Variants in CD84 observed in about 807,000 individuals in gnomAD.
CD84 encodes SLAM family member 5.
CD84 carries 22 observed loss-of-function variants against 33.8 expected under a neutral mutation model. The ratio of observed to expected loss-of-function variants is 0.65; its 90% CI spans 0.46 to 0.93. CD84 has a LOEUF of 0.93. Among genes scored for constraint, CD84 ranks in the 40% least tolerant of loss-of-function variants. The pLI, the probability that CD84 is intolerant of heterozygous loss-of-function variation, is 0.00. For synonymous variants in CD84, 154 were observed against 145.2 expected (o/e 1.06, Z -0.44); for missense variants, 400 against 397.6 (o/e 1.01, Z -0.05).
At position 160,579,411 on chromosome 1, in the gene CD84, C is replaced by A; in HGVS notation, c.27G>T (p.Leu9Phe). Reference sequence around the variant, plus strand: ...ACTCACAGGTTTGCAGGCAAAGGAGCAAGATCCATAGGTGGTGCTGAGCCA... The same window carrying A: ...ACTCACAGGTTTGCAGGCAAAGGAGAAAGATCCATAGGTGGTGCTGAGCCA... MAQHHLWI[L>F]LLCLQTWPEA... Residue 9 changes from leucine (L) to phenylalanine (F), a missense_variant, in exon 1 of 7, where the codon TTG becomes TTT. Coordinates refer to ENST00000368054, the MANE Select transcript of CD84 (RefSeq NM_003874.4). 1 of 1,613,208 alleles carries A rather than the reference C, an allele frequency of 6.2e-7. No individual in the cohort carries two copies. Among genetic ancestry groups the A allele is most frequent in the South Asian group, 1.1e-5 (1 of 91,050 alleles).
At chr1:160,561,215 A>C (rs1257120950) in intron 2 of CD84, among the ~76,000 whole-genome samples, 3 of 152,160 alleles carry the variant, frequency 2.0e-5, no homozygotes, top group African/African-American at 7.2e-5. Flanking sequence ...AAAACCAAAA[A>C]AGGAAACTTC....
chr1:160,563,947 T>C (rs1488152818), intron 2 of CD84, among the ~76,000 whole-genome samples: 2 of 152,062 alleles, frequency 1.3e-5, no homozygotes, highest in African/African-American at 2.4e-5. Flanking sequence ...TCTCAAACTT[T>C]GGCACAGGTG....
At chr1:160,553,745 C>T (rs1212009534) in intron 3 of CD84, 150 bp downstream of exon 3, 3 of 1,289,110 alleles carry the variant, frequency 2.3e-6, no homozygotes, top group African/African-American at 3.0e-5. Context: ...GCCTCTTTCC[C>T]AGTAGGCTTC....
intron 1 of CD84, chr1:160,571,377 G>A (rs1237625364): frequency 6.6e-6 from 1 of 152,114 alleles, no homozygotes; most frequent in African/African-American, 2.4e-5. Flanking sequence ...ACAGAGAGGA[G>A]AAAGAGTCTC....
chr1:160,564,684 C>T (rs1227990543), intron 2 of CD84, among the ~76,000 whole-genome samples: 1 of 152,138 alleles, frequency 6.6e-6, no homozygotes, highest in Non-Finnish European at 1.5e-5. Flanking sequence ...CTTCATTATT[C>T]CATCTACATA....
intron 2 of CD84, among the ~76,000 whole-genome samples, chr1:160,556,412 A>T (rs183616131): frequency 6.0e-4 from 92 of 152,308 alleles, no homozygotes; most frequent in African/African-American, 1.8e-3. Context: ...CCTAAATACA[A>T]TTGTTGTGAG....
chr1:160,553,943 G>T lies in CD84; in HGVS notation c.592C>A (p.Pro198Thr). The change falls in exon 3 of 7, where the codon CCT (proline) becomes ACT (threonine). Residue 198 changes from proline to threonine, a missense_variant. Coordinates refer to ENST00000368054, the MANE Select transcript of CD84 (RefSeq NM_003874.4). ...ATGGAGTCAGAATTGTTGCTGACAGGGTTCTGGGCTGTACACGTGTAAGTC... is the reference window on the plus strand; with the variant it reads ...ATGGAGTCAGAATTGTTGCTGACAGTGTTCTGGGCTGTACACGTGTAAGTC... ...ELTYTCTAQN[P>T]VSNNSDSISA... 9 of 1,614,202 alleles carry T rather than the reference G, an allele frequency of 5.6e-6. No homozygotes were observed. The highest frequency in any genetic ancestry group is 6.8e-6 in the Non-Finnish European group (8 of 1,180,034).
intron 1 of CD84, among the ~76,000 whole-genome samples, chr1:160,575,629 T>G (rs1298019704): frequency 6.6e-6 from 1 of 152,122 alleles, no homozygotes; most frequent in Non-Finnish European, 1.5e-5. Context: ...CAAGAGTACC[T>G]AGTCAGTTCC....
intron 4 of CD84, among the ~76,000 whole-genome samples, chr1:160,551,900 T>C (rs541655099): frequency 2.6e-5 from 4 of 152,200 alleles, no homozygotes; most frequent in Non-Finnish European, 4.4e-5. Flanking sequence ...AGGCTCTGTG[T>C]GAGGCCCCAG....
At chr1:160,549,490 C>A (rs1656048318) in intron 6 of CD84, among the ~76,000 whole-genome samples, 1 of 152,198 alleles carries the variant, frequency 6.6e-6, no homozygotes, top group African/African-American at 2.4e-5. Context: ...GGTAAAAGAG[C>A]AGCTGAGGGA....
intron 5 of CD84, chr1:160,550,562 C>A (rs1656141023): frequency 4.2e-6 from 4 of 942,932 alleles, no homozygotes; most frequent in African/African-American, 1.8e-5. Context: ...GCCTCGTAGC[C>A]CCCTTAGCAA....
chr1:160,578,438 T>C (rs538900015), intron 1 of CD84, among the ~76,000 whole-genome samples: 1 of 152,238 alleles, frequency 6.6e-6, no homozygotes, highest in African/African-American at 2.4e-5. Flanking sequence ...AAAGGAGCCA[T>C]AGCTTGAAAT....
At position 160,547,112 on chromosome 1, in the gene CD84, G is replaced by A; in HGVS notation, c.*1144C>T. On this transcript the variant is annotated 3_prime_UTR_variant, in exon 7 of 7. Coordinates refer to ENST00000368054, the MANE Select transcript of CD84 (RefSeq NM_003874.4). Reference sequence around the variant, plus strand: ...TTGAGGAGAGTTAATGCCTGTGTAAGCTGGCTGGTGATCTGTTTGTGGGGC... The same window carrying A: ...TTGAGGAGAGTTAATGCCTGTGTAAACTGGCTGGTGATCTGTTTGTGGGGC... 2.5e-6 allele frequency: 1 copy of A among 398,948 alleles called. No homozygotes were observed. The highest frequency in any genetic ancestry group is 4.4e-6 in the Non-Finnish European group (1 of 226,082). The allele number at this position is 398,948 out of a possible 1,614,324, so 24.7% of individuals were successfully genotyped here. A position where few individuals can be genotyped will look rare whatever the true frequency, so the allele number is the denominator to read the frequency against.
chr1:160,555,346 G>A (rs1656539107), intron 2 of CD84, among the ~76,000 whole-genome samples: 1 of 152,074 alleles, frequency 6.6e-6, no homozygotes, highest in Non-Finnish European at 1.5e-5. Context: ...GCCTCCCAAA[G>A]TGCTGGGATG....
rs1360970779 is a variant in CD84, at chr1:160,564,976, T to C, written c.388+428A>G. 2.0e-5 allele frequency among the ~76,000 whole-genome samples: 3 copies of C among 152,216 alleles called. No individual in the cohort carries two copies. In the East Asian group the frequency reaches 5.8e-4, roughly 29 times the overall value. ...ATTTCCTGTTTTTGATATTGTGCTATAGTTATGCAAGGTGTTAACACAGGG... is the reference window on the plus strand; with the variant it reads ...ATTTCCTGTTTTTGATATTGTGCTACAGTTATGCAAGGTGTTAACACAGGG... On this transcript the variant is annotated intron_variant, in intron 2 of 6. Transcript: ENST00000368054.
Position 160,564,937 on chromosome 1 carries a change from T to C in CD84, c.388+467A>G, listed in dbSNP as rs146624659. Among the ~76,000 whole-genome samples, 343 of 152,310 alleles carry C rather than the reference T, an allele frequency of 2.3e-3. 1 individual carries two copies. Among genetic ancestry groups the C allele is most frequent in the African/African-American group, 7.8e-3 (324 of 41,572 alleles). ...GTGAAACCTAAATAAGCTCTATAGA[T>C]TGTGCTAATGTCAATTTCCTGTTTT... On this transcript the variant is annotated intron_variant, in intron 2 of 6. Coordinates refer to ENST00000368054, the MANE Select transcript of CD84 (RefSeq NM_003874.4).
chr1:160,555,542 C>T (rs1395376154), intron 2 of CD84, among the ~76,000 whole-genome samples: 1 of 152,080 alleles, frequency 6.6e-6, no homozygotes, highest in African/African-American at 2.4e-5. Context: ...AAGTTGAAGG[C>T]TAGTAAAGGG....
At chr1:160,568,767 C>A (rs1657489479) in intron 1 of CD84, among the ~76,000 whole-genome samples, 1 of 152,132 alleles carries the variant, frequency 6.6e-6, no homozygotes, top group African/African-American at 2.4e-5. Flanking sequence ...ATTACAGGTG[C>A]ATGCCATCAC....
intron 4 of CD84, chr1:160,552,589 C>A: frequency 3.0e-6 from 2 of 675,426 alleles, no homozygotes; most frequent in South Asian, 1.8e-5. Context: ...AATGGTCAAG[C>A]TGGGACTTTC....
Sources: allele counts gnomAD v4.1 joint callset (sites outside exome capture counted in the v4.1 genomes callset), GRCh38; gene constraint gnomAD v4.1.1; transcripts MANE v1.5; gene names NCBI Gene and HGNC (gene_info 2026-07-23, HGNC 2026-07-21).